The following ZBTB20 variants were observed in gnomAD, a reference collection of about 807,000 sequenced individuals.
ZBTB20 encodes zinc finger and BTB domain containing 20, also known as zinc finger and BTB domain-containing protein 20.
Under a neutral mutation model 56.9 loss-of-function variants are expected in ZBTB20, and 9 were observed. The ratio of observed to expected loss-of-function variants is 0.16; its 90% CI spans 0.10 to 0.28. The LOEUF (loss-of-function observed/expected upper bound fraction) is 0.28, where lower values mean the gene tolerates loss of function less well. Ranked by LOEUF, ZBTB20 falls within the 10% of genes least tolerant of loss-of-function variation. The pLI, the probability that ZBTB20 is intolerant of heterozygous loss-of-function variation, is 1.00. For synonymous variants in ZBTB20, 417 were observed against 420.7 expected, an observed-to-expected ratio of 0.99 and a Z score of 0.11; for missense variants, 655 against 1,003.0, an observed-to-expected ratio of 0.65 and a Z score of 4.69.
At chr3:114,781,723 G>A (rs1176842560) in intron 5 of ZBTB20, among the ~76,000 whole-genome samples, 1 of 152,134 alleles carries the variant, frequency 6.6e-6, no homozygotes, top group Non-Finnish European at 1.5e-5. Context: ...CACATATTGT[G>A]GGAGGAACCC....
At chr3:114,623,310 T>A (rs1427076437) in intron 6 of ZBTB20, among the ~76,000 whole-genome samples, 1 of 152,136 alleles carries the variant, frequency 6.6e-6, no homozygotes, top group African/African-American at 2.4e-5. Flanking sequence ...GATGCAACCA[T>A]CCCCACTCCA....
In ZBTB20 at chr3:114,316,933, G is replaced by C. The variant is rs1452485174; in HGVS notation, c.*22072C>G. 4.9e-6 allele frequency: 1 copy of C among 203,546 alleles called. No individual in the cohort carries two copies. Among genetic ancestry groups the C allele is most frequent in the Non-Finnish European group, 1.0e-5 (1 of 98,830 alleles). The allele number at this position is 203,546 out of a possible 1,614,324, so 12.6% of individuals were successfully genotyped here. A position where few individuals can be genotyped will look rare whatever the true frequency, so the allele number is the denominator to read the frequency against. On this transcript the variant is annotated 3_prime_UTR_variant, in exon 12 of 12. Transcript: ENST00000675478. ...GAAGAAGGAAGGAAAGCTCAGATGA[G>C]GAAGAATGAAGTATTGTGTTTACGT...
chr3:115,047,983 G>A (rs1202828129), intron 2 of ZBTB20, among the ~76,000 whole-genome samples: 1 of 152,090 alleles, frequency 6.6e-6, no homozygotes, highest in Non-Finnish European at 1.5e-5. Flanking sequence ...CACTTTGGGA[G>A]GCTGAGGCAG....
Position 114,891,165 on chromosome 3 carries a change from G to A in ZBTB20, c.-417+9139C>T, listed in dbSNP as rs942459809. Among the ~76,000 whole-genome samples, 6 of 152,212 alleles carry A rather than the reference G, an allele frequency of 3.9e-5. 1 individual carries two copies. The highest frequency in any genetic ancestry group is 9.6e-5 in the African/African-American group (4 of 41,546). On this transcript the variant is annotated intron_variant, in intron 4 of 11. Coordinates refer to ENST00000675478, the MANE Select transcript of ZBTB20 (RefSeq NM_001348800.3). Reference sequence around the variant, plus strand: ...AGTACTGTCTTCAGAGGGACTCTGAGGTCAAGTTTTGGTGTAGTGACAGAG... The same window carrying A: ...AGTACTGTCTTCAGAGGGACTCTGAAGTCAAGTTTTGGTGTAGTGACAGAG...
intron 2 of ZBTB20, among the ~76,000 whole-genome samples, chr3:114,992,358 C>T (rs1359951047): frequency 6.6e-6 from 1 of 151,716 alleles, no homozygotes; most frequent in Non-Finnish European, 1.5e-5. Context: ...GCATAAATAA[C>T]CTAAAAAAAC....
chr3:114,423,733 T>C (rs2089396527), intron 7 of ZBTB20, among the ~76,000 whole-genome samples: 1 of 152,222 alleles, frequency 6.6e-6, no homozygotes, highest in Admixed American at 6.5e-5. Context: ...GTAAGTTTTA[T>C]GAAATACATT....
chr3:114,712,654 GAA>G (rs139980086), intron 5 of ZBTB20, among the ~76,000 whole-genome samples: 6 of 79,966 alleles, frequency 7.5e-5, no homozygotes, highest in Admixed American at 1.5e-4. Flanking sequence ...ACTCCATCTC[GAA>G]AAAAAAAAAA....
rs187143081 is a variant in ZBTB20, at chr3:114,679,795, A to C, written c.-295+13733T>G. Among the ~76,000 whole-genome samples the C allele has an allele frequency of 2.8e-3, 426 of 152,222 alleles. 2 individuals carry two copies. Among genetic ancestry groups the C allele is most frequent in the African/African-American group, 9.7e-3 (403 of 41,550 alleles). ...CAATCCCATTACTGGGTATATACCC[A>C]AAAAAATTATAAATCATTCTACTAT... On this transcript the variant is annotated intron_variant, in intron 6 of 11. Coordinates refer to ENST00000675478, the MANE Select transcript of ZBTB20 (RefSeq NM_001348800.3).
intron 5 of ZBTB20, among the ~76,000 whole-genome samples, chr3:114,772,947 T>C (rs2069325601): frequency 1.3e-5 from 2 of 152,190 alleles, no homozygotes; most frequent in Admixed American, 1.3e-4. Context: ...AGAGAACTTT[T>C]TTGGCTGGAA....
At chr3:114,449,438 C>T (rs1436772368) in intron 7 of ZBTB20, among the ~76,000 whole-genome samples, 7 of 152,036 alleles carry the variant, frequency 4.6e-5, no homozygotes, top group South Asian at 2.1e-4. Flanking sequence ...AGAGGGTCAT[C>T]GCAGACTTGA....
At position 115,106,280 on chromosome 3, in the gene ZBTB20, C is replaced by G. The variant is rs2083720783; in HGVS notation, c.-702-34866G>C. ...ACAGAGTCTCACTCTGTCGCCCAGG[C>G]TGTAGTGCAGTGGCCCGATCTTAGC... On this transcript the variant is annotated intron_variant, in intron 1 of 11. Transcript: ENST00000675478. 2.7e-5 allele frequency among the ~76,000 whole-genome samples: 4 copies of G among 145,976 alleles called. No homozygotes were observed. The Admixed American group carries it at 2.8e-4, about 10-fold the overall frequency.
At chr3:114,469,271 A>G (rs2092666385) in intron 7 of ZBTB20, among the ~76,000 whole-genome samples, 1 of 152,186 alleles carries the variant, frequency 6.6e-6, no homozygotes. Context: ...CCTAGTCACA[A>G]GGAATGTAAT....
chr3:114,988,348 G>A (rs1340972367), intron 2 of ZBTB20, among the ~76,000 whole-genome samples: 8 of 149,784 alleles, frequency 5.3e-5, no homozygotes, highest in Middle Eastern at 3.4e-3. Context: ...GAGAACATGC[G>A]GTGTTTGGTT....
At chr3:114,910,303 G>A (rs1054095077) in intron 3 of ZBTB20, among the ~76,000 whole-genome samples, 7 of 148,736 alleles carry the variant, frequency 4.7e-5, no homozygotes, top group Admixed American at 3.3e-4. Flanking sequence ...ACATGCACGC[G>A]TGCACACACA....
At chr3:115,091,944 A>C (rs548387056) in intron 1 of ZBTB20, among the ~76,000 whole-genome samples, 5 of 152,214 alleles carry the variant, frequency 3.3e-5, no homozygotes, top group Admixed American at 6.6e-5. Flanking sequence ...TGCATATAAA[A>C]TTGCTGTGGG....
intron 6 of ZBTB20, among the ~76,000 whole-genome samples, chr3:114,552,260 T>C (rs1559950260): frequency 6.6e-6 from 1 of 152,128 alleles, no homozygotes; most frequent in Non-Finnish European, 1.5e-5. Context: ...CAGGTATTTA[T>C]TCACTACCAC....
At chr3:114,430,785 G>T (rs1477053278) in intron 7 of ZBTB20, among the ~76,000 whole-genome samples, 1 of 152,202 alleles carries the variant, frequency 6.6e-6, no homozygotes, top group Non-Finnish European at 1.5e-5. Flanking sequence ...ACCTGGCACA[G>T]TGAATTCCCT....
intron 4 of ZBTB20, among the ~76,000 whole-genome samples, chr3:114,821,839 G>A (rs1287724853): frequency 6.6e-6 from 1 of 151,998 alleles, no homozygotes; most frequent in Non-Finnish European, 1.5e-5. Context: ...TGAGTTTCGG[G>A]TTTATGGAAA....
At position 114,315,458 on chromosome 3, in the gene ZBTB20, TTGAATGAA is replaced by T. The variant is rs1206118444; in HGVS notation, c.*23539_*23546del. On this transcript the variant is annotated 3_prime_UTR_variant, in exon 12 of 12. Coordinates refer to ENST00000675478, the MANE Select transcript of ZBTB20 (RefSeq NM_001348800.3). ...GACACACAGACACTGGAAACACCAC[TTGAATGAA>T]TGAATGAATGGATATGTATGTGTGT... is the stretch of plus-strand genomic sequence containing the variant. 6.6e-6 allele frequency: 1 copy of T among 151,994 alleles called. No homozygotes were observed. The highest frequency in any genetic ancestry group is 1.5e-5 in the Non-Finnish European group (1 of 67,980). 9.4% of individuals were successfully genotyped at this position (151,994 alleles called of 1,614,324 possible). A position where few individuals can be genotyped will look rare whatever the true frequency, so the allele number is the denominator to read the frequency against.
Sources: gnomAD v4.1 joint callset for allele counts (sites outside exome capture counted in the v4.1 genomes callset) on GRCh38, gnomAD v4.1.1 for gene constraint, MANE v1.5 for transcripts, NCBI Gene and HGNC (gene_info 2026-07-23, HGNC 2026-07-21) for gene names.